Variants in NKAIN3 observed in about 807,000 individuals in gnomAD.
NKAIN3 encodes the protein sodium/potassium-transporting ATPase subunit beta-1-interacting protein 3.
NKAIN3 carries 25 observed loss-of-function variants against 30.2 expected under a neutral mutation model. That is an observed-to-expected ratio of 0.83 (90% CI 0.60 to 1.16). NKAIN3 has a LOEUF of 1.16. Among genes scored for constraint, NKAIN3 ranks in the 50% most tolerant of loss-of-function variants. The pLI is 0.00. For synonymous variants in NKAIN3, 91 were observed against 89.6 expected (o/e 1.02, Z -0.09); for missense variants, 225 against 254.1 (o/e 0.89, Z 0.78).
chr8:62,407,273 A>T (rs567546753), intron 1 of NKAIN3, among the ~76,000 whole-genome samples: 1 of 151,740 alleles, frequency 6.6e-6, no homozygotes, highest in East Asian at 1.9e-4. Flanking sequence ...CACAAAAATT[A>T]TATGTATATG....
intron 4 of NKAIN3, chr8:62,856,379 GT>G: frequency 1.2e-6 from 1 of 827,932 alleles, no homozygotes; most frequent in South Asian, 1.3e-5. Flanking sequence ...GAACCTTCTA[GT>G]TTGCTGGATT....
At chr8:62,502,104 G>T (rs1451066106) in intron 1 of NKAIN3, among the ~76,000 whole-genome samples, 2 of 152,126 alleles carry the variant, frequency 1.3e-5, no homozygotes, top group Non-Finnish European at 2.9e-5. Context: ...TTGCACTGTT[G>T]CTATATAATT....
At chr8:62,774,005 G>A (rs79969162) in intron 4 of NKAIN3, among the ~76,000 whole-genome samples, 3,827 of 152,140 alleles carry the variant, frequency 0.025, 157 homozygotes, top group African/African-American at 0.087. Context: ...TGGTAATATG[G>A]ACATTTTGAC....
chr8:62,683,626 T>A (rs563139180), intron 3 of NKAIN3, among the ~76,000 whole-genome samples: 1 of 152,166 alleles, frequency 6.6e-6, no homozygotes, highest in Non-Finnish European at 1.5e-5. Flanking sequence ...AATAATAGAA[T>A]CATAGCTATA....
At chr8:62,340,541 T>C (rs1023504212) in intron 1 of NKAIN3, among the ~76,000 whole-genome samples, 4 of 152,026 alleles carry the variant, frequency 2.6e-5, no homozygotes, top group Non-Finnish European at 5.9e-5. Flanking sequence ...TGCCAATCCC[T>C]TTCAGAAGTT....
intron 1 of NKAIN3, among the ~76,000 whole-genome samples, chr8:62,505,248 T>C (rs1563430116): frequency 6.6e-6 from 1 of 152,202 alleles, no homozygotes. Flanking sequence ...TCACAAATAA[T>C]TTTGGGGTGA....
chr8:62,455,634 T>C (rs564970999), intron 1 of NKAIN3, among the ~76,000 whole-genome samples: 4 of 152,334 alleles, frequency 2.6e-5, no homozygotes, highest in Non-Finnish European at 5.9e-5. Context: ...AATATATGCA[T>C]GTAATACACT....
intron 1 of NKAIN3, among the ~76,000 whole-genome samples, chr8:62,431,194 G>A (rs1563396074): frequency 6.6e-6 from 1 of 151,670 alleles, no homozygotes; most frequent in Non-Finnish European, 1.5e-5. Context: ...ATATCTTGTT[G>A]GATTTCTTTT....
intron 1 of NKAIN3, among the ~76,000 whole-genome samples, chr8:62,313,600 T>C (rs1229036375): frequency 2.0e-5 from 3 of 152,056 alleles, no homozygotes; most frequent in Admixed American, 6.6e-5. Context: ...CAAGGGGAAA[T>C]AGTTGATATT....
intron 4 of NKAIN3, among the ~76,000 whole-genome samples, chr8:62,754,558 C>T (rs1390240554): frequency 6.6e-6 from 1 of 152,114 alleles, no homozygotes; most frequent in Non-Finnish European, 1.5e-5. Flanking sequence ...TGATAGGTGA[C>T]AAGTCACATT....
At chr8:62,836,112 C>T (rs1264618795) in intron 4 of NKAIN3, among the ~76,000 whole-genome samples, 2 of 152,010 alleles carry the variant, frequency 1.3e-5, no homozygotes, top group Admixed American at 6.6e-5. Flanking sequence ...TGCATGTTCT[C>T]ACAAGTGGAA....
intron 1 of NKAIN3, among the ~76,000 whole-genome samples, chr8:62,563,772 C>T (rs1382079420): frequency 6.6e-6 from 1 of 152,074 alleles, no homozygotes; most frequent in Non-Finnish European, 1.5e-5. Flanking sequence ...ATGTTATGTA[C>T]CCAATCTGCA....
intron 2 of NKAIN3, among the ~76,000 whole-genome samples, chr8:62,580,191 A>G (rs1810247479): frequency 6.6e-6 from 1 of 152,194 alleles, no homozygotes; most frequent in Admixed American, 6.5e-5. Flanking sequence ...CTAACATTTC[A>G]TACTGATTGA....
In NKAIN3 at chr8:62,979,263, G is replaced by A. The variant is rs1296630807; in HGVS notation, c.*13856G>A. 6.6e-6 allele frequency: 1 copy of A among 152,226 alleles called. No individual in the cohort carries two copies. Among genetic ancestry groups the A allele is most frequent in the Non-Finnish European group, 1.5e-5 (1 of 68,106 alleles). The allele number at this position is 152,226 out of a possible 1,614,324, so 9.4% of individuals were successfully genotyped here. On this transcript the variant is annotated 3_prime_UTR_variant, in exon 7 of 7. Coordinates refer to ENST00000623646, the MANE Select transcript of NKAIN3 (RefSeq NM_001304533.3). ...AAACAGAAACAGAGACAAGGAGACA[G>A]AGACAGTGAAACAGAAACAGAGTCA...
intron 3 of NKAIN3, among the ~76,000 whole-genome samples, chr8:62,623,251 G>C (rs571097757): frequency 1.3e-5 from 2 of 152,024 alleles, no homozygotes; most frequent in South Asian, 4.1e-4. Flanking sequence ...AGCTGGAGAG[G>C]TCTTTGACCA....
Position 62,461,186 on chromosome 8 carries a change from A to C in NKAIN3, c.55-118353A>C, listed in dbSNP as rs189936221. ...CATAGAGTCCCTCAGCAAAGACAGA[A>C]GATTGGTTAGGAATGAATAGATGAC... On this transcript the variant is annotated intron_variant, in intron 1 of 6. Coordinates refer to ENST00000623646, the MANE Select transcript of NKAIN3 (RefSeq NM_001304533.3). Among the ~76,000 whole-genome samples the C allele has an allele frequency of 1.5e-4, 23 of 152,346 alleles. 1 individual carries two copies. In the East Asian group the frequency reaches 2.7e-3, roughly 18 times the overall value.
intron 4 of NKAIN3, among the ~76,000 whole-genome samples, chr8:62,762,913 C>A (rs1046315791): frequency 3.3e-5 from 5 of 151,826 alleles, no homozygotes; most frequent in Admixed American, 6.6e-5. Context: ...TTAGAGAAAT[C>A]TTTCTAGATC....
chr8:62,451,855 C>T (rs1805651953), intron 1 of NKAIN3, among the ~76,000 whole-genome samples: 1 of 152,042 alleles, frequency 6.6e-6, no homozygotes, highest in Non-Finnish European at 1.5e-5. Context: ...TTTGGTAGGC[C>T]AAAATATGTC....
chr8:62,599,761 T>A (rs556805665), intron 3 of NKAIN3, among the ~76,000 whole-genome samples: 1 of 152,178 alleles, frequency 6.6e-6, no homozygotes, highest in East Asian at 1.9e-4. Context: ...TCCTTCAACA[T>A]GTAAATAGCT....
Sources: allele counts gnomAD v4.1 joint callset (sites outside exome capture counted in the v4.1 genomes callset), GRCh38; gene constraint gnomAD v4.1.1; transcripts MANE v1.5; gene names NCBI Gene and HGNC (gene_info 2026-07-23, HGNC 2026-07-21).